Variants in PDZRN3 observed in about 807,000 individuals in gnomAD.
The protein encoded by PDZRN3 is E3 ubiquitin-protein ligase PDZRN3.
Under a neutral mutation model 85.7 loss-of-function variants are expected in PDZRN3, and 38 were observed. The observed-to-expected ratio is 0.44, with a 90% CI of 0.34 to 0.58. The LOEUF is 0.58. Among genes scored for constraint, PDZRN3 ranks in the 20% least tolerant of loss-of-function variants. The pLI, the probability that PDZRN3 is intolerant of heterozygous loss-of-function variation, is 0.01. For missense variants in PDZRN3, 1,629 were observed against 1,506.4 expected (o/e 1.08, Z -1.35); for synonymous variants, 759 against 638.0 (o/e 1.19, Z -2.86).
At chr3:73,530,706 G>GA (rs1421768725) in intron 3 of PDZRN3, among the ~76,000 whole-genome samples, 1 of 152,114 alleles carries the variant, frequency 6.6e-6, no homozygotes, top group Non-Finnish European at 1.5e-5. Flanking sequence ...TTCTTAGAGA[G>GA]AAAATCAGGA....
intron 3 of PDZRN3, among the ~76,000 whole-genome samples, chr3:73,593,445 A>T (rs1259883902): frequency 6.6e-6 from 1 of 152,176 alleles, no homozygotes. Context: ...GTCAATACAA[A>T]GTAAACTCTA....
intron 3 of PDZRN3, among the ~76,000 whole-genome samples, chr3:73,557,334 T>C (rs896002165): frequency 3.9e-5 from 6 of 152,226 alleles, no homozygotes; most frequent in Non-Finnish European, 1.5e-5. Context: ...TGTGTCATAT[T>C]AGAGACAACA....
rs536525919 is a variant in PDZRN3 at position 73,451,405 on chromosome 3, CTCAGT to C, written c.919-47015_919-47011del. Among the ~76,000 whole-genome samples, 18 of 152,288 alleles carry C rather than the reference CTCAGT, an allele frequency of 1.2e-4. No individual in the cohort carries two copies. In the East Asian group the frequency reaches 3.3e-3, roughly 28 times the overall value. The stretch of plus-strand genomic sequence containing the variant: ...GCAAATATCCAAACCAGTCTATCAG[CTCAGT>C]TAATAACTCTGACCTGCCAGACCAC... On this transcript the variant is annotated intron_variant, in intron 3 of 9. Coordinates refer to ENST00000263666, the MANE Select transcript of PDZRN3 (RefSeq NM_015009.3).
At chr3:73,493,695 C>G (rs1010540731) in intron 3 of PDZRN3, among the ~76,000 whole-genome samples, 11 of 152,184 alleles carry the variant, frequency 7.2e-5, no homozygotes, top group Non-Finnish European at 1.6e-4. Flanking sequence ...GATTCTATCA[C>G]GACTAGTTTT....
At chr3:73,556,867 G>A (rs1013481689) in intron 3 of PDZRN3, 1 of 152,230 alleles carries the variant, frequency 6.6e-6, no homozygotes, top group East Asian at 1.9e-4. Flanking sequence ...GGAATTCCAC[G>A]CTGGGACCCT....
Position 73,612,694 on chromosome 3 carries a change from C to A in PDZRN3, c.724-4010G>T, listed in dbSNP as rs543486456. Among the ~76,000 whole-genome samples the A allele has an allele frequency of 2.6e-5, 4 of 152,280 alleles. No individual in the cohort carries two copies. In the South Asian group the frequency reaches 8.3e-4, roughly 32 times the overall value. ...TCTTAATTGTCCCTTGAGAGAGATTCTCTGAGTTCAGGGCTGGACTTAAGA... is the reference window on the plus strand; with the variant it reads ...TCTTAATTGTCCCTTGAGAGAGATTATCTGAGTTCAGGGCTGGACTTAAGA... On this transcript the variant is annotated intron_variant, in intron 1 of 9. Coordinates refer to ENST00000263666, the MANE Select transcript of PDZRN3 (RefSeq NM_015009.3).
At chr3:73,608,477 A>G in intron 2 of PDZRN3, 121 bp downstream of exon 2, 1 of 708,036 alleles carries the variant, frequency 1.4e-6, no homozygotes, top group South Asian at 1.6e-5. Context: ...TGAACCCTCT[A>G]ATGACAGAGA....
intron 3 of PDZRN3, among the ~76,000 whole-genome samples, chr3:73,452,213 C>T (rs887087758): frequency 2.0e-5 from 3 of 151,938 alleles, no homozygotes; most frequent in Non-Finnish European, 4.4e-5. Context: ...TAGACGCTCT[C>T]AGGGTGGAAT....
At chr3:73,566,066 G>T (rs1701944518) in intron 3 of PDZRN3, among the ~76,000 whole-genome samples, 2 of 152,168 alleles carry the variant, frequency 1.3e-5, no homozygotes, top group Admixed American at 1.3e-4. Flanking sequence ...AGGAAAAAAG[G>T]CAAGGGAGTA....
At chr3:73,616,681 T>C (rs974800428) in intron 1 of PDZRN3, among the ~76,000 whole-genome samples, 4 of 152,242 alleles carry the variant, frequency 2.6e-5, no homozygotes, top group African/African-American at 9.6e-5. Context: ...TCTTCAGTGA[T>C]TTATTTGAAA....
chr3:73,494,094 T>C (rs944661320), intron 3 of PDZRN3, among the ~76,000 whole-genome samples: 4 of 152,216 alleles, frequency 2.6e-5, no homozygotes, highest in African/African-American at 9.6e-5. Context: ...TCGCTATGTT[T>C]TGTTTTCTGC....
chr3:73,535,458 T>TGGA (rs1704760561), intron 3 of PDZRN3, among the ~76,000 whole-genome samples: 1 of 152,206 alleles, frequency 6.6e-6, no homozygotes, highest in Non-Finnish European at 1.5e-5. Flanking sequence ...GTGATACAAA[T>TGGA]GCCCAGTAAC....
At chr3:73,582,463 C>G (rs1404238125) in intron 3 of PDZRN3, among the ~76,000 whole-genome samples, 2 of 151,948 alleles carry the variant, frequency 1.3e-5, no homozygotes, top group Non-Finnish European at 1.5e-5. Flanking sequence ...CTTCCTATAC[C>G]TATACTAACA....
intron 3 of PDZRN3, among the ~76,000 whole-genome samples, chr3:73,520,082 T>C (rs974894026): frequency 1.3e-5 from 2 of 152,182 alleles, no homozygotes; most frequent in African/African-American, 4.8e-5. Context: ...AGCAGGCAGA[T>C]GACATCATCA....
At chr3:73,402,248 T>C (rs1031970003) in intron 4 of PDZRN3, among the ~76,000 whole-genome samples, 5 of 152,218 alleles carry the variant, frequency 3.3e-5, no homozygotes, top group Admixed American at 3.3e-4. Flanking sequence ...AAAAGGCCCA[T>C]CACTGTGACA....
chr3:73,616,158 C>T (rs1702758653), intron 1 of PDZRN3, among the ~76,000 whole-genome samples: 1 of 152,216 alleles, frequency 6.6e-6, no homozygotes, highest in Non-Finnish European at 1.5e-5. Context: ...CTAGTCTTTG[C>T]CTTCTGCCAT....
rs529571258 is a variant in PDZRN3, at chr3:73,604,485, A to G, written c.811-2024T>C. On this transcript the variant is annotated intron_variant, in intron 2 of 9. Transcript: ENST00000263666. ...ATGGCTCAGTTTCAAACTGAGGCGAAGCGGATCCTCTTGCACATTACATGC... is the reference window on the plus strand; with the variant it reads ...ATGGCTCAGTTTCAAACTGAGGCGAGGCGGATCCTCTTGCACATTACATGC... Among the ~76,000 whole-genome samples, 7 of 152,362 alleles carry G rather than the reference A, an allele frequency of 4.6e-5. No homozygotes were observed. In the South Asian group the frequency reaches 8.3e-4, roughly 18 times the overall value.
chr3:73,605,762 C>T lies in PDZRN3; in HGVS notation c.810+2836G>A, dbSNP rs918979883. 3.3e-5 allele frequency among the ~76,000 whole-genome samples: 5 copies of T among 152,306 alleles called. No individual in the cohort carries two copies. The East Asian group carries it at 7.7e-4, about 23-fold the overall frequency. ...TTCAGGTTTCATGATGCTATTTCTG[C>T]TAATCAGGGCAAATTTTGAAAAACA... On this transcript the variant is annotated intron_variant, in intron 2 of 9. Transcript: ENST00000263666.
chr3:73,468,747 A>G (rs916655188), intron 3 of PDZRN3, among the ~76,000 whole-genome samples: 2 of 152,180 alleles, frequency 1.3e-5, no homozygotes, highest in Non-Finnish European at 2.9e-5. Context: ...CTGATGCAAA[A>G]GTGCACCAGA....
Sources: allele counts gnomAD v4.1 joint callset (sites outside exome capture counted in the v4.1 genomes callset), GRCh38; gene constraint gnomAD v4.1.1; transcripts MANE v1.5; gene names NCBI Gene and HGNC (gene_info 2026-07-23, HGNC 2026-07-21).